Variants in SFXN5 observed in about 807,000 individuals in gnomAD.
SFXN5 encodes the protein sideroflexin-5.
In SFXN5, 43 loss-of-function variants were observed where a neutral mutation model predicts 50.2. The observed-to-expected ratio is 0.86, with a 90% CI of 0.67 to 1.11. The LOEUF (loss-of-function observed/expected upper bound fraction) is 1.11, where lower values mean the gene tolerates loss of function less well. Ranked by LOEUF, SFXN5 falls within the 50% of genes least tolerant of loss-of-function variation. SFXN5 has a pLI of 0.00. For missense variants in SFXN5, 463 were observed against 454.1 expected, an observed-to-expected ratio of 1.02 and a Z score of -0.18; for synonymous variants, 203 against 185.8, an observed-to-expected ratio of 1.09 and a Z score of -0.75.
Position 73,071,627 on chromosome 2 carries a change from G to A in SFXN5, c.79C>T (p.Leu27=), listed in dbSNP as rs751656704. ...ACCTGCTGGAAGCGGGGTTTGCCCAGTTGGAAAGGAGGTGCATCGCTCGAG... is the reference window on the plus strand; with the variant it reads ...ACCTGCTGGAAGCGGGGTTTGCCCAATTGGAAAGGAGGTGCATCGCTCGAG... ...SASSDAPPFQ[L]GKPRFQQTSF... is the part of the protein sequence containing the mutation. Residue 27 remains leucine (L), a synonymous_variant, in exon 1 of 14, where the codon CTG becomes TTG. Transcript: ENST00000272433. The A allele has an allele frequency of 1.1e-5, 18 of 1,613,760 alleles. No homozygotes were observed. The African/African-American group carries it at 2.0e-4, about 18-fold the overall frequency.
At chr2:73,019,718 G>A (rs112376056) in intron 6 of SFXN5, 8,956 of 153,694 alleles carry the variant, frequency 0.058, 836 homozygotes, top group African/African-American at 0.2. Context: ...GTGAGCCACC[G>A]CGCCCAGCCC....
At position 72,971,594 on chromosome 2, in the gene SFXN5, G is replaced by C; in HGVS notation, c.717C>G (p.Gly239=). 3 of 1,613,970 alleles carry C rather than the reference G, an allele frequency of 1.9e-6. No homozygotes were observed. Among genetic ancestry groups the C allele is most frequent in the Non-Finnish European group, 2.5e-6 (3 of 1,179,936 alleles). Reference sequence around the variant, plus strand: ...CGTGTCGGGCTGCGATCTTGGAGGAGCCCACGAGGTTGCCATCGCTGTCCA... The same window carrying C: ...CGTGTCGGGCTGCGATCTTGGAGGACCCCACGAGGTTGCCATCGCTGTCCA... ...DVLDSDGNLV[G]SSKIAARHAL... is the part of the protein sequence containing the mutation. Residue 239 remains glycine, a synonymous_variant, in exon 11 of 14, where the codon GGC becomes GGG. Transcript: ENST00000272433.
rs1429907256 is a variant in SFXN5, at chr2:73,071,651, AGGCGCTAGC to A, written c.46_54del (p.Ala16_Ala18del). 6.2e-7 allele frequency: 1 copy of A among 1,613,508 alleles called. No homozygotes were observed. The highest frequency in any genetic ancestry group is 8.5e-7 in the Non-Finnish European group (1 of 1,179,872). On this transcript the variant is annotated inframe_deletion, in exon 1 of 14. Coordinates refer to ENST00000272433, the MANE Select transcript of SFXN5 (RefSeq NM_144579.3). ...AGTTGGAAAGGAGGTGCATCGCTCGAGGCGCTAGCGGCACTAGCCGCCGCCGCCGATGCT... is the reference window on the plus strand; with the variant it reads ...AGTTGGAAAGGAGGTGCATCGCTCGAGGCACTAGCCGCCGCCGCCGATGCT...
At chr2:73,063,981 T>G (rs1341922868) in intron 1 of SFXN5, among the ~76,000 whole-genome samples, 3 of 152,204 alleles carry the variant, frequency 2.0e-5, no homozygotes, top group African/African-American at 7.2e-5. Context: ...TTTTCTTTAC[T>G]GGAAGAATGA....
At chr2:73,059,529 C>A in intron 1 of SFXN5, 1 of 985,348 alleles carries the variant, frequency 1.0e-6, no homozygotes, top group Non-Finnish European at 1.2e-6. Flanking sequence ...TGTTCCTTTC[C>A]CTTCCCAATA....
intron 3 of SFXN5, among the ~76,000 whole-genome samples, chr2:73,025,343 GC>G (rs1203468752): frequency 6.6e-6 from 1 of 152,024 alleles, no homozygotes; most frequent in Non-Finnish European, 1.5e-5. Context: ...TCACAGTCAG[GC>G]CACTCACAGG....
chr2:73,001,407 G>A, intron 7 of SFXN5, 118 bp downstream of exon 7: 1 of 1,027,168 alleles, frequency 9.7e-7, no homozygotes, highest in South Asian at 1.3e-5. Context: ...GGTGGTGTTG[G>A]GGTGGACTGA....
At chr2:73,020,415 C>T (rs1676720965) in intron 5 of SFXN5, 151 bp from the exon 6 acceptor site, 1 of 689,906 alleles carries the variant, frequency 1.4e-6, no homozygotes, top group East Asian at 2.8e-5. Flanking sequence ...ATCTCATAGA[C>T]CCTTTCCCAG....
intron 9 of SFXN5, chr2:72,997,649 G>A (rs1464946060): frequency 1.3e-5 from 2 of 151,956 alleles, no homozygotes; most frequent in African/African-American, 2.4e-5. Context: ...GAGTGCAGTG[G>A]CGTGATCTCG....
Position 72,950,369 on chromosome 2 carries a change from T to A in SFXN5, c.946-5270A>T, listed in dbSNP as rs1672403865. On this transcript the variant is annotated intron_variant, in intron 13 of 13. Coordinates refer to ENST00000272433, the MANE Select transcript of SFXN5 (RefSeq NM_144579.3). The surrounding 1 kb of genome is among the most constrained non-coding windows in gnomAD (Gnocchi z 4.2). ...TCCACATTGTCCGACCCCCACCTCA[T>A]GCTGATCCTGGTTCATAGCCTCTCA... 6.6e-6 allele frequency among the ~76,000 whole-genome samples: 1 copy of A among 152,190 alleles called. No homozygotes were observed. The highest frequency in any genetic ancestry group is 2.1e-4 in the South Asian group (1 of 4,836).
At chr2:73,034,783 C>T (rs1465458711) in intron 3 of SFXN5, among the ~76,000 whole-genome samples, 1 of 152,162 alleles carries the variant, frequency 6.6e-6, no homozygotes, top group Non-Finnish European at 1.5e-5. Context: ...CTGATCCTAC[C>T]ACAATACCAC....
chr2:72,956,887 AAAG>A (rs1673149646), intron 13 of SFXN5: 1 of 379,098 alleles, frequency 2.6e-6, no homozygotes, highest in East Asian at 7.7e-5. Flanking sequence ...TCATCTGAAC[AAAG>A]AAGAAACTGA....
chr2:73,042,381 G>A (rs999981960), intron 2 of SFXN5: 5 of 151,828 alleles, frequency 3.3e-5, no homozygotes, highest in African/African-American at 1.2e-4. Flanking sequence ...TTGGGAGGCC[G>A]AGATTGGTGG....
At chr2:72,967,441 T>TG (rs1387818670) in intron 12 of SFXN5, 1 of 152,146 alleles carries the variant, frequency 6.6e-6, no homozygotes, top group Non-Finnish European at 1.5e-5. Flanking sequence ...TGAATTCTGA[T>TG]GGGGTGGTCA....
chr2:73,057,596 G>T (rs1279816004), intron 2 of SFXN5, among the ~76,000 whole-genome samples: 1 of 152,174 alleles, frequency 6.6e-6, no homozygotes, highest in East Asian at 1.9e-4. Flanking sequence ...TTATAAAGAG[G>T]TATGAGAGAA....
At chr2:72,996,447 G>C (rs1349153123) in intron 9 of SFXN5, 1 of 152,204 alleles carries the variant, frequency 6.6e-6, no homozygotes, top group Non-Finnish European at 1.5e-5. Context: ...GGTCCCTCAG[G>C]TGGGGCAGTG....
At chr2:72,958,132 G>C (rs60947929) in intron 13 of SFXN5, among the ~76,000 whole-genome samples, 22,932 of 152,076 alleles carry the variant, frequency 0.15, 5,101 homozygotes, top group African/African-American at 0.49. Context: ...TGAATGGTAG[G>C]CATCTCCCCA....
chr2:73,052,367 T>TGTGTGTATGC (rs59763609), intron 2 of SFXN5, among the ~76,000 whole-genome samples: 4,212 of 145,508 alleles, frequency 0.029, 186 homozygotes, highest in African/African-American at 0.11. Flanking sequence ...TGCGTGTGTG[T>TGTGTGTATGC]GTGTGTGTGT....
chr2:73,067,608 T>A (rs1297943807), intron 1 of SFXN5, among the ~76,000 whole-genome samples: 1 of 152,196 alleles, frequency 6.6e-6, no homozygotes, highest in African/African-American at 2.4e-5. Context: ...CCTTATTTTT[T>A]AGAGATACCT....
Sources: gnomAD v4.1 joint callset for allele counts (sites outside exome capture counted in the v4.1 genomes callset) on GRCh38, gnomAD v4.1.1 for gene constraint, Gnocchi (gnomAD v3.1) non-coding constraint, MANE v1.5 for transcripts, NCBI Gene and HGNC (gene_info 2026-07-23, HGNC 2026-07-21) for gene names.